POLG2: variants seen among roughly 807,000 people sequenced by gnomAD.
POLG2 encodes DNA polymerase subunit gamma-2.
Under a neutral mutation model 56.5 loss-of-function variants are expected in POLG2, and 50 were observed. The observed-to-expected ratio is 0.88, with a 90% CI of 0.71 to 1.12. POLG2 has a LOEUF of 1.12. Ranked by LOEUF, POLG2 falls within the 50% of genes most tolerant of loss-of-function variation. The pLI, the probability that POLG2 is intolerant of heterozygous loss-of-function variation, is 0.00. For missense variants in POLG2, 584 were observed against 583.3 expected (o/e 1.00, Z -0.01); for synonymous variants, 226 against 222.6 (o/e 1.02, Z -0.14).
At chr17:64,494,840 G>A (rs543314479) in intron 1 of POLG2, among the ~76,000 whole-genome samples, 5 of 152,186 alleles carry the variant, frequency 3.3e-5, no homozygotes, top group Admixed American at 2.0e-4. Context: ...CCCCAGACCC[G>A]GAATCAGCCA....
chr17:64,480,892 C>G (rs1159936633), intron 6 of POLG2, among the ~76,000 whole-genome samples: 4 of 152,168 alleles, frequency 2.6e-5, no homozygotes, highest in Admixed American at 6.6e-5. Flanking sequence ...AGAGACTGAT[C>G]AACCCATTTC....
intron 4 of POLG2, among the ~76,000 whole-genome samples, chr17:64,488,386 A>G (rs1555667881): frequency 1.3e-5 from 2 of 152,186 alleles, no homozygotes; most frequent in African/African-American, 2.4e-5. Context: ...AAAACTCTTC[A>G]TTAGTGAAAA....
chr17:64,496,572 G>A lies in POLG2; in HGVS notation c.397C>T (p.His133Tyr), dbSNP rs112984118. ...CCGGGTAGCAAAGGGCCTGGTTTGT[G>A]GTGGAGGGCGTCCACCGGGAATACC... ...EQVFPVDALH[H>Y]KPGPLLPGDS... The change falls in exon 1 of 8, where the codon CAC becomes TAC. Residue 133 changes from histidine to tyrosine, a missense_variant. Coordinates refer to ENST00000539111, the MANE Select transcript of POLG2 (RefSeq NM_007215.4). 1,118 of 1,613,364 alleles carry A rather than the reference G, an allele frequency of 6.9e-4. 4 individuals are homozygous for A. The African/African-American group carries it at 0.013, about 18-fold the overall frequency.
At chr17:64,486,553 G>A (rs942674837) in intron 4 of POLG2, among the ~76,000 whole-genome samples, 3 of 152,058 alleles carry the variant, frequency 2.0e-5, no homozygotes, top group South Asian at 2.1e-4. Context: ...TAGTAGGGAC[G>A]GGGTTTCACC....
intron 7 of POLG2, among the ~76,000 whole-genome samples, chr17:64,479,619 CAATT>C (rs1568080945): frequency 6.6e-6 from 1 of 151,992 alleles, no homozygotes; most frequent in Admixed American, 6.6e-5. Flanking sequence ...TTAAAAACAA[CAATT>C]AATGAAATAG....
intron 4 of POLG2, among the ~76,000 whole-genome samples, chr17:64,486,629 G>T (rs2037961260): frequency 1.3e-5 from 2 of 152,100 alleles, no homozygotes; most frequent in African/African-American, 2.4e-5. Flanking sequence ...CTCCCAAAGT[G>T]CTGGGATTAC....
chr17:64,481,511 T>A, intron 6 of POLG2: 1 of 557,722 alleles, frequency 1.8e-6, no homozygotes, highest in Non-Finnish European at 2.3e-6. Context: ...TAGAACAAAT[T>A]AGAAAAATCA....
chr17:64,491,068 A>G, intron 3 of POLG2, 99 bp from the exon 4 acceptor site: 1 of 955,698 alleles, frequency 1.0e-6, no homozygotes, highest in South Asian at 1.3e-5. Flanking sequence ...GATACTTTTT[A>G]TTCAGCAAAT....
Position 64,497,054 on chromosome 17 carries a change from C to A in POLG2, c.-86G>T. 14 of 1,373,350 alleles carry A rather than the reference C, an allele frequency of 1.0e-5. No homozygotes were observed. Among genetic ancestry groups the A allele is most frequent in the Non-Finnish European group, 1.3e-5 (13 of 979,848 alleles). The allele number at this position is 1,373,350 out of a possible 1,614,324, so 85.1% of individuals were successfully genotyped here. On this transcript the variant is annotated 5_prime_UTR_variant, in exon 1 of 8. Coordinates refer to ENST00000539111, the MANE Select transcript of POLG2 (RefSeq NM_007215.4). ...CTACCGTTAACAGAATCCGGAGAGG[C>A]CACGGCGCAGGCGCAACGGAGGTGA...
chr17:64,484,569 C>T (rs1261703885), intron 5 of POLG2, among the ~76,000 whole-genome samples: 5 of 152,070 alleles, frequency 3.3e-5, no homozygotes, highest in South Asian at 2.1e-4. Context: ...GGAGGAGTGG[C>T]GGTGGCTTAT....
rs1555669574 is a variant in POLG2, at chr17:64,496,626, A to T, written c.343T>A (p.Trp115Arg). The T allele has an allele frequency of 6.2e-7, 1 of 1,613,882 alleles. No individual in the cohort carries two copies. Among genetic ancestry groups the T allele is most frequent in the South Asian group, 1.1e-5 (1 of 91,058 alleles). The change falls in exon 1 of 8, where the codon TGG becomes AGG. Residue 115 changes from tryptophan (W) to arginine (R), a missense_variant. By Grantham distance (101) the Trp-to-Arg change is moderately radical. Coordinates refer to ENST00000539111, the MANE Select transcript of POLG2 (RefSeq NM_007215.4). The stretch of plus-strand genomic sequence containing the variant: ...TCCCTGAACACCACCACCGAGGTCC[A>T]CCATTCTGCGGCCAGGTTCTTCCGC... The part of the protein sequence containing the change: ...ELRKNLAAEW[W>R]TSVVVFREQV...
At chr17:64,491,032 A>G (rs532676565) in intron 3 of POLG2, 63 bp from the exon 4 acceptor site, 1 of 1,204,614 alleles carries the variant, frequency 8.3e-7, no homozygotes, top group South Asian at 1.2e-5. Flanking sequence ...AACTCCCATA[A>G]TTATCTGTAA....
At chr17:64,485,260 G>T in intron 5 of POLG2, 1 of 170,172 alleles carries the variant, frequency 5.9e-6, no homozygotes, top group Non-Finnish European at 1.3e-5. Flanking sequence ...CCAAGTGCAT[G>T]TTCATGCACT....
At chr17:64,484,463 G>A (rs553587413) in intron 5 of POLG2, among the ~76,000 whole-genome samples, 80 of 152,148 alleles carry the variant, frequency 5.3e-4, no homozygotes, top group Non-Finnish European at 1.6e-4. Flanking sequence ...AGAGGGCTTC[G>A]GTTTTTCCTG....
chr17:64,488,540 T>C (rs540049211), intron 4 of POLG2, among the ~76,000 whole-genome samples: 2 of 152,038 alleles, frequency 1.3e-5, no homozygotes, highest in Admixed American at 6.5e-5. Flanking sequence ...CCATTCTTCA[T>C]ACAAAAGAAA....
At chr17:64,491,106 A>G in intron 3 of POLG2, 137 bp from the exon 4 acceptor site, 1 of 718,698 alleles carries the variant, frequency 1.4e-6, no homozygotes, top group Admixed American at 2.5e-5. Context: ...TCCCGAATAC[A>G]AATTTTAAAG....
chr17:64,496,531 C>A lies in POLG2; in HGVS notation c.438G>T (p.Arg146Ser). The A allele has an allele frequency of 6.2e-7, 1 of 1,613,784 alleles. No individual in the cohort carries two copies. The highest frequency in any genetic ancestry group is 1.3e-5 in the African/African-American group (1 of 75,010). The change falls in exon 1 of 8, where the codon AGG becomes AGT. Residue 146 changes from arginine (R) to serine (S), a missense_variant. Arg to Ser is a moderately radical substitution (Grantham distance 110). Transcript: ENST00000539111. ...CGCGTAGAGTTTCTGCAGAAACTAA[C>A]CTGAAGGCACTGTCCCCGGGTAGCA... is the stretch of plus-strand genomic sequence containing the variant. ...GPLLPGDSAF[R>S]LVSAETLREI... is the part of the protein sequence containing the mutation.
intron 3 of POLG2, 68 bp downstream of exon 3, chr17:64,492,599 G>C (rs2038079916): frequency 1.2e-6 from 1 of 860,786 alleles, no homozygotes; most frequent in East Asian, 2.6e-5. Context: ...TATGTCAGAA[G>C]AATTACCACT....
chr17:64,481,837 TGCACTCCAGCC>T (rs1555666531), intron 6 of POLG2, among the ~76,000 whole-genome samples: 3 of 151,814 alleles, frequency 2.0e-5, no homozygotes, highest in Admixed American at 6.6e-5. Flanking sequence ...ATCGTGCCAC[TGCACTCCAGCC>T]TGGGTAACAG....
Sources: gnomAD v4.1 joint callset for allele counts (sites outside exome capture counted in the v4.1 genomes callset) on GRCh38, gnomAD v4.1.1 for gene constraint, MANE v1.5 for transcripts, NCBI Gene and HGNC (gene_info 2026-07-23, HGNC 2026-07-21) for gene names.